The following ADGRB3 variants were observed in gnomAD, a reference collection of about 807,000 sequenced individuals.
ADGRB3 encodes adhesion G protein-coupled receptor B3.
ADGRB3 carries 37 observed loss-of-function variants against 193.4 expected under a neutral mutation model. The observed-to-expected ratio is 0.19, with a 90% CI of 0.15 to 0.25. The LOEUF (loss-of-function observed/expected upper bound fraction) is 0.25. ADGRB3 is among the 10% of genes least tolerant of loss of function. The pLI is 1.00. For synonymous variants in ADGRB3, 690 were observed against 644.2 expected (o/e 1.07, Z -1.08); for missense variants, 1,637 against 1,852.9 (o/e 0.88, Z 2.14).
At chr6:69,235,524 A>G (rs1766243223) in intron 19 of ADGRB3, among the ~76,000 whole-genome samples, 1 of 152,072 alleles carries the variant, frequency 6.6e-6, no homozygotes, top group African/African-American at 2.4e-5. Flanking sequence ...CTGTTATAAA[A>G]ATATGATCTC....
At chr6:68,781,404 A>C (rs905550999) in intron 3 of ADGRB3, among the ~76,000 whole-genome samples, 2 of 152,138 alleles carry the variant, frequency 1.3e-5, no homozygotes, top group Non-Finnish European at 2.9e-5. Context: ...TATGAAGAAC[A>C]AAAAAAGTAT....
At chr6:68,738,965 G>A (rs1765925982) in intron 3 of ADGRB3, among the ~76,000 whole-genome samples, 1 of 152,116 alleles carries the variant, frequency 6.6e-6, no homozygotes, top group Admixed American at 6.6e-5. Context: ...ATACAGGAAA[G>A]GAGACTAACA....
chr6:69,127,925 G>A (rs1000562735), intron 17 of ADGRB3, among the ~76,000 whole-genome samples: 14 of 151,390 alleles, frequency 9.2e-5, no homozygotes, highest in Admixed American at 5.9e-4. Flanking sequence ...TTCTGGCATG[G>A]CATTTGGACA....
intron 13 of ADGRB3, among the ~76,000 whole-genome samples, chr6:69,043,402 G>A (rs1161785802): frequency 6.6e-6 from 1 of 152,118 alleles, no homozygotes; most frequent in East Asian, 1.9e-4. Context: ...CAGTACTAAA[G>A]GAGAAGCTCT....
intron 30 of ADGRB3, among the ~76,000 whole-genome samples, chr6:69,377,391 C>G (rs1333544712): frequency 6.6e-6 from 1 of 151,988 alleles, no homozygotes; most frequent in African/African-American, 2.4e-5. Context: ...TTCCTCTTCA[C>G]CAAATTGGAT....
chr6:68,785,606 G>C (rs933492773), intron 3 of ADGRB3, among the ~76,000 whole-genome samples: 1 of 151,818 alleles, frequency 6.6e-6, no homozygotes, highest in African/African-American at 2.4e-5. Flanking sequence ...GAATAGTGCC[G>C]CTATAAACAT....
chr6:68,798,633 G>A (rs1767257324), intron 3 of ADGRB3, among the ~76,000 whole-genome samples: 1 of 152,164 alleles, frequency 6.6e-6, no homozygotes, highest in South Asian at 2.1e-4. Flanking sequence ...GTATACCTAT[G>A]TAACAAAACT....
chr6:69,018,519 C>T lies in ADGRB3; in HGVS notation c.2107+20C>T, dbSNP rs761824257. 1.3e-6 allele frequency: 2 copies of T among 1,532,616 alleles called. No individual in the cohort carries two copies. Among genetic ancestry groups the T allele is most frequent in the Non-Finnish European group, 1.8e-6 (2 of 1,115,564 alleles). 94.9% of individuals were successfully genotyped at this position (1,532,616 alleles called of 1,614,324 possible). On this transcript the variant is annotated intron_variant, in intron 13 of 31. Coordinates refer to ENST00000370598, the MANE Select transcript of ADGRB3 (RefSeq NM_001704.3). The stretch of plus-strand genomic sequence containing the variant: ...ATGTAGGTAAGAAATAGGATTTTCC[C>T]CCAAAATCTTTCTGAAATAAAAAAA...
At chr6:68,666,527 A>G (rs1768805187) in intron 3 of ADGRB3, among the ~76,000 whole-genome samples, 1 of 151,766 alleles carries the variant, frequency 6.6e-6, no homozygotes, top group Non-Finnish European at 1.5e-5. Context: ...TGTTCTGTTG[A>G]CACGCAAGTT....
rs779523366 is a variant in ADGRB3 at position 69,175,521 on chromosome 6, A to G, written c.2481-57769A>G. Among the ~76,000 whole-genome samples the G allele has an allele frequency of 5.9e-5, 9 of 152,298 alleles. No homozygotes were observed. The South Asian group carries it at 6.2e-4, about 11-fold the overall frequency. The stretch of plus-strand genomic sequence containing the variant: ...ATGTGTCTGTTTTTGTACAAGTGCC[A>G]TGCTGTTTTGGTTACTGTAGCCTTA... On this transcript the variant is annotated intron_variant, in intron 17 of 31. Transcript: ENST00000370598.
At chr6:69,281,466 T>C (rs982952794) in intron 20 of ADGRB3, among the ~76,000 whole-genome samples, 8 of 152,202 alleles carry the variant, frequency 5.3e-5, no homozygotes, top group African/African-American at 1.4e-4. Context: ...ATGCTGCTCA[T>C]AGAAACCCAA....
chr6:68,721,627 A>AATATATATATATAT (rs71852236), intron 3 of ADGRB3, among the ~76,000 whole-genome samples: 127 of 140,218 alleles, frequency 9.1e-4, no homozygotes, highest in African/African-American at 3.1e-3. Context: ...AAGTATAATA[A>AATATATATATATAT]ATATATATAT....
intron 3 of ADGRB3, among the ~76,000 whole-genome samples, chr6:68,709,766 C>T (rs139083504): frequency 6.7e-4 from 102 of 152,162 alleles, no homozygotes; most frequent in African/African-American, 2.1e-3. Context: ...TGTCAAACTA[C>T]GTATGCAAAA....
chr6:68,937,689 A>C (rs1767518443), intron 5 of ADGRB3, among the ~76,000 whole-genome samples: 1 of 152,182 alleles, frequency 6.6e-6, no homozygotes, highest in African/African-American at 2.4e-5. Flanking sequence ...AGTTGCTAAA[A>C]GCAAGAATAG....
intron 29 of ADGRB3, among the ~76,000 whole-genome samples, chr6:69,370,283 C>T (rs1334601151): frequency 6.6e-6 from 1 of 152,140 alleles, no homozygotes; most frequent in Non-Finnish European, 1.5e-5. Context: ...GGTTGAAACA[C>T]TTGGTCAGTA....
At chr6:69,070,325 C>G (rs570324351) in intron 16 of ADGRB3, among the ~76,000 whole-genome samples, 21 of 152,064 alleles carry the variant, frequency 1.4e-4, no homozygotes, top group Non-Finnish European at 2.1e-4. Context: ...TTTTTTTAAG[C>G]AATTGTATTT....
intron 20 of ADGRB3, among the ~76,000 whole-genome samples, chr6:69,293,035 C>T (rs76075909): frequency 1.3e-5 from 2 of 152,150 alleles, no homozygotes; most frequent in South Asian, 4.1e-4. Context: ...AGCTCCCCAC[C>T]ATGGGTCTAT....
At chr6:69,013,770 G>A (rs1582394231) in intron 11 of ADGRB3, among the ~76,000 whole-genome samples, 1 of 151,996 alleles carries the variant, frequency 6.6e-6, no homozygotes, top group South Asian at 2.1e-4. Flanking sequence ...GTGGAATATA[G>A]ATACTATAAT....
chr6:68,739,378 T>C (rs546542643), intron 3 of ADGRB3, among the ~76,000 whole-genome samples: 3 of 152,280 alleles, frequency 2.0e-5, no homozygotes, highest in Admixed American at 6.5e-5. Context: ...TGTTTTTATA[T>C]GCTTACTAGA....
Sources: gnomAD v4.1 joint callset for allele counts (sites outside exome capture counted in the v4.1 genomes callset) on GRCh38, gnomAD v4.1.1 for gene constraint, MANE v1.5 for transcripts, NCBI Gene and HGNC (gene_info 2026-07-23, HGNC 2026-07-21) for gene names.